The following SV2B variants were observed in gnomAD, a reference collection of about 807,000 sequenced individuals.
SV2B encodes the protein synaptic vesicle glycoprotein 2B.
A neutral mutation model predicts 73.9 loss-of-function variants in SV2B; 41 were observed. The ratio of observed to expected loss-of-function variants is 0.56; its 90% CI spans 0.43 to 0.72. The LOEUF (loss-of-function observed/expected upper bound fraction) is 0.72. Among genes scored for constraint, SV2B ranks in the 30% least tolerant of loss-of-function variants. The pLI is 0.00. For synonymous variants in SV2B, 314 were observed against 314.2 expected, an observed-to-expected ratio of 1.00 and a Z score of 0.01; for missense variants, 764 against 857.8, an observed-to-expected ratio of 0.89 and a Z score of 1.37.
In SV2B at chr15:91,111,747, A is replaced by C. The variant is rs141936968; in HGVS notation, c.-392+11384A>C. Among the ~76,000 whole-genome samples the C allele has an allele frequency of 9.2e-5, 14 of 152,294 alleles. No homozygotes were observed. The East Asian group carries it at 2.5e-3, about 27-fold the overall frequency. ...ATAAGAAAAGAGTTTTAATTGGCTC[A>C]TGGTTCTGCAGGCTACACAGGAAGC... On this transcript the variant is annotated intron_variant, in intron 1 of 12. Transcript: ENST00000394232.
At position 91,270,929 on chromosome 15, in the gene SV2B, G is replaced by A. The variant is rs1290255685; in HGVS notation, c.1373+2324G>A. Among the ~76,000 whole-genome samples the A allele has an allele frequency of 2.0e-5, 3 of 148,536 alleles. 1 individual carries two copies. Among genetic ancestry groups the A allele is most frequent in the Non-Finnish European group, 3.0e-5 (2 of 67,236 alleles). ...TGAGTCCTGTGGACGATGGGAGGAC[G>A]GTGAGTCCTGTGGACGATGGGAGGA... On this transcript the variant is annotated intron_variant, in intron 9 of 12. Coordinates refer to ENST00000394232, the MANE Select transcript of SV2B (RefSeq NM_001323032.3).
rs901149819 is a variant in SV2B, at chr15:91,220,269, A to G, written c.-391-5604A>G. ...CATCACATTCTAGCCAACACTTGCT[A>G]TTGTCTGTCTGTTGATTAGAGCTAT... is the stretch of plus-strand genomic sequence containing the variant. On this transcript the variant is annotated intron_variant, in intron 1 of 12. Transcript: ENST00000394232. The surrounding 1 kb of genome is among the most constrained non-coding windows in gnomAD (Gnocchi z 4.1). 5.3e-5 allele frequency among the ~76,000 whole-genome samples: 8 copies of G among 152,130 alleles called. No individual in the cohort carries two copies. Among genetic ancestry groups the G allele is most frequent in the Admixed American group, 2.0e-4 (3 of 15,274 alleles).
intron 2 of SV2B, among the ~76,000 whole-genome samples, chr15:91,230,083 C>G (rs887483222): frequency 3.3e-5 from 5 of 151,962 alleles, no homozygotes; most frequent in Middle Eastern, 6.8e-3. Context: ...CTACAAAATA[C>G]AAAAGAAATT....
In SV2B at chr15:91,136,695, C is replaced by T. The variant is rs1390516870; in HGVS notation, c.-392+36332C>T. On this transcript the variant is annotated intron_variant, in intron 1 of 12. Transcript: ENST00000394232. The surrounding 1 kb of genome is among the most constrained non-coding windows in gnomAD (Gnocchi z 5.6). ...CCTTTTTAGTTGTCAGCAGATCTGT[C>T]TCTTGGGAGCGGGAATGGGGTGGCT... Among the ~76,000 whole-genome samples the T allele has an allele frequency of 6.6e-6, 1 of 152,192 alleles. No individual in the cohort carries two copies. Among genetic ancestry groups the T allele is most frequent in the African/African-American group, 2.4e-5 (1 of 41,448 alleles).
intron 1 of SV2B, among the ~76,000 whole-genome samples, chr15:91,134,068 G>A (rs1040368311): frequency 9.6e-5 from 14 of 145,224 alleles, no homozygotes; most frequent in Admixed American, 6.9e-4. Context: ...GCGTGATCTC[G>A]GCTCACTGCA....
chr15:91,194,004 GT>G, intron 1 of SV2B, among the ~76,000 whole-genome samples: 1 of 151,222 alleles, frequency 6.6e-6, no homozygotes, highest in Non-Finnish European at 1.5e-5. Flanking sequence ...GGTTTTTTTT[GT>G]TTGTTTGTTT....
chr15:91,246,065 CA>C (rs5814471), intron 2 of SV2B, among the ~76,000 whole-genome samples: 76,486 of 127,478 alleles, frequency 0.6, 21,477 homozygotes, highest in Middle Eastern at 0.67. Flanking sequence ...TATGAGTTAG[CA>C]AAAAAAAAAA....
intron 1 of SV2B, among the ~76,000 whole-genome samples, chr15:91,186,000 C>A (rs1194538189): frequency 6.6e-6 from 1 of 152,186 alleles, no homozygotes; most frequent in Non-Finnish European, 1.5e-5. Flanking sequence ...TCCCCCAGAC[C>A]CCTGCTTCTT....
In SV2B at chr15:91,136,456, A is replaced by G. The variant is rs541873178; in HGVS notation, c.-392+36093A>G. ...CCCGTGCCCATCCAGCTAGTGGAGA[A>G]CCAGTGGGAAGGCCCATGCGTCTCG... On this transcript the variant is annotated intron_variant, in intron 1 of 12. Coordinates refer to ENST00000394232, the MANE Select transcript of SV2B (RefSeq NM_001323032.3). The surrounding 1 kb of genome is among the most constrained non-coding windows in gnomAD (Gnocchi z 5.6). Among the ~76,000 whole-genome samples the G allele has an allele frequency of 6.6e-6, 1 of 152,306 alleles. No homozygotes were observed. Among genetic ancestry groups the G allele is most frequent in the African/African-American group, 2.4e-5 (1 of 41,568 alleles).
intron 1 of SV2B, among the ~76,000 whole-genome samples, chr15:91,177,970 C>T (rs1240639444): frequency 1.3e-5 from 2 of 148,898 alleles, no homozygotes; most frequent in African/African-American, 5.0e-5. Context: ...TGTCTTGTGC[C>T]AGTTTTCAAA....
chr15:91,155,852 G>C lies in SV2B; in HGVS notation c.-392+55489G>C, dbSNP rs186347863. 1.8e-4 allele frequency among the ~76,000 whole-genome samples: 28 copies of C among 152,178 alleles called. No homozygotes were observed. The East Asian group carries it at 5.2e-3, about 28-fold the overall frequency. ...TTGTTCCAGACCGTTAAGGTAGATA[G>C]TTGTCTGGACTCAGTGGAACCTCAT... is the stretch of plus-strand genomic sequence containing the variant. On this transcript the variant is annotated intron_variant, in intron 1 of 12. Coordinates refer to ENST00000394232, the MANE Select transcript of SV2B (RefSeq NM_001323032.3).
intron 1 of SV2B, among the ~76,000 whole-genome samples, chr15:91,114,288 C>A (rs1014951946): frequency 2.6e-5 from 4 of 151,536 alleles, no homozygotes; most frequent in African/African-American, 9.7e-5. Flanking sequence ...CAGTCTAACA[C>A]CTTAACCTTG....
intron 2 of SV2B, among the ~76,000 whole-genome samples, chr15:91,237,427 C>T (rs1415291191): frequency 6.6e-6 from 1 of 152,212 alleles, no homozygotes; most frequent in Non-Finnish European, 1.5e-5. Flanking sequence ...AAATCACTTC[C>T]AGTTGACAAC....
At chr15:91,181,115 A>G (rs2044538058) in intron 1 of SV2B, among the ~76,000 whole-genome samples, 1 of 152,228 alleles carries the variant, frequency 6.6e-6, no homozygotes, top group South Asian at 2.1e-4. Flanking sequence ...TCTAACAGAC[A>G]GGACCCTCAG....
rs543888519 is a variant in SV2B at position 91,159,039 on chromosome 15, G to A, written c.-392+58676G>A. On this transcript the variant is annotated intron_variant, in intron 1 of 12. Coordinates refer to ENST00000394232, the MANE Select transcript of SV2B (RefSeq NM_001323032.3). The stretch of plus-strand genomic sequence containing the variant: ...GGCTTGGGAGACAGGGTGGCCGGGC[G>A]TGATGAGGCTGAGTAGATGAAAAGT... Among the ~76,000 whole-genome samples, 110 of 152,206 alleles carry A rather than the reference G, an allele frequency of 7.2e-4. 1 individual carries two copies. Among genetic ancestry groups the A allele is most frequent in the African/African-American group, 2.5e-3 (105 of 41,546 alleles).
intron 1 of SV2B, among the ~76,000 whole-genome samples, chr15:91,119,189 G>A (rs918960275): frequency 6.6e-5 from 10 of 152,206 alleles, no homozygotes; most frequent in Non-Finnish European, 1.0e-4. Flanking sequence ...TTTCCCCAAC[G>A]GTAGGAGCTA....
At position 91,173,430 on chromosome 15, in the gene SV2B, C is replaced by T. The variant is rs1298194850; in HGVS notation, c.-391-52443C>T. 4.6e-5 allele frequency among the ~76,000 whole-genome samples: 7 copies of T among 152,260 alleles called. No individual in the cohort carries two copies. In the South Asian group the frequency reaches 1.5e-3, roughly 32 times the overall value. Reference sequence around the variant, plus strand: ...TCTGATCTTACCAGGTTGTTTAATGCTCTCAGTTCTAGTTAAAGCCAAACC... The same window carrying T: ...TCTGATCTTACCAGGTTGTTTAATGTTCTCAGTTCTAGTTAAAGCCAAACC... On this transcript the variant is annotated intron_variant, in intron 1 of 12. Coordinates refer to ENST00000394232, the MANE Select transcript of SV2B (RefSeq NM_001323032.3).
rs573333960 is a variant in SV2B at position 91,105,415 on chromosome 15, G to A, written c.-392+5052G>A. Reference sequence around the variant, plus strand: ...TAGGGAGAACAGGTGCAAAGGCCCCGAGGCAACAGATAACTGGCATGTTCC... The same window carrying A: ...TAGGGAGAACAGGTGCAAAGGCCCCAAGGCAACAGATAACTGGCATGTTCC... On this transcript the variant is annotated intron_variant, in intron 1 of 12. Coordinates refer to ENST00000394232, the MANE Select transcript of SV2B (RefSeq NM_001323032.3). This position sits in a 1 kb window ranked among gnomAD's most constrained non-coding sequence, Gnocchi z 5.5. 7.2e-5 allele frequency among the ~76,000 whole-genome samples: 11 copies of A among 152,296 alleles called. No individual in the cohort carries two copies. In the South Asian group the frequency reaches 1.0e-3, roughly 14 times the overall value.
intron 2 of SV2B, among the ~76,000 whole-genome samples, chr15:91,230,559 C>T (rs2046537407): frequency 6.6e-6 from 1 of 152,196 alleles, no homozygotes. Flanking sequence ...TCATCTAGAA[C>T]TGTCTCACTT....
Sources: allele counts gnomAD v4.1 joint callset (sites outside exome capture counted in the v4.1 genomes callset), GRCh38; gene constraint gnomAD v4.1.1; non-coding constraint Gnocchi (gnomAD v3.1); transcripts MANE v1.5; gene names NCBI Gene and HGNC (gene_info 2026-07-23, HGNC 2026-07-21).